GPR149: variants seen among roughly 807,000 people sequenced by gnomAD.
GPR149 encodes the protein probable G protein-coupled receptor 149.
GPR149 carries 50 observed loss-of-function variants against 50.2 expected under a neutral mutation model. That is an observed-to-expected ratio of 1.00 (90% CI 0.79 to 1.26). The LOEUF (loss-of-function observed/expected upper bound fraction) is 1.26, where lower values mean the gene tolerates loss of function less well. Ranked by LOEUF, GPR149 falls within the 50% of genes most tolerant of loss-of-function variation. The pLI, the probability that GPR149 is intolerant of heterozygous loss-of-function variation, is 0.00. For synonymous variants in GPR149, 405 were observed against 358.2 expected (o/e 1.13, Z -1.48); for missense variants, 983 against 895.4 (o/e 1.10, Z -1.25).
At position 154,335,334 on chromosome 3, in the gene GPR149, GA is replaced by G. The variant is rs1329175799; in HGVS notation, c.*2364del. ...AATCAATCACTCTAAAGAGTAAGCAGACTTAAGTAAACTTATGTAGTTTAAC... is the reference window on the plus strand; with the variant it reads ...AATCAATCACTCTAAAGAGTAAGCAGCTTAAGTAAACTTATGTAGTTTAAC... On this transcript the variant is annotated 3_prime_UTR_variant, in exon 4 of 4. Transcript: ENST00000389740. 1.3e-5 allele frequency: 2 copies of G among 152,132 alleles called. No homozygotes were observed. The highest frequency in any genetic ancestry group is 1.3e-4 in the Admixed American group (2 of 15,268). The allele number at this position is 152,132 out of a possible 1,614,324, so 9.4% of individuals were successfully genotyped here.
intron 3 of GPR149, among the ~76,000 whole-genome samples, chr3:154,403,653 C>T (rs184189956): frequency 1.7e-4 from 26 of 152,268 alleles, no homozygotes; most frequent in Admixed American, 5.9e-4. Flanking sequence ...TCAGCACAAG[C>T]GAGTTGCCCA....
At chr3:154,399,023 T>A (rs1715359462) in intron 3 of GPR149, among the ~76,000 whole-genome samples, 1 of 152,182 alleles carries the variant, frequency 6.6e-6, no homozygotes, top group Non-Finnish European at 1.5e-5. Flanking sequence ...AAAGGCAAAC[T>A]AGTGTTATTC....
At chr3:154,387,386 T>C (rs1715068483) in intron 3 of GPR149, among the ~76,000 whole-genome samples, 2 of 152,182 alleles carry the variant, frequency 1.3e-5, no homozygotes. Flanking sequence ...TTGGTCTTAT[T>C]TGGCACTGAA....
In GPR149 at chr3:154,427,504, T is replaced by C. The variant is rs1200493447; in HGVS notation, c.1174+12A>G. 4 of 1,596,366 alleles carry C rather than the reference T, an allele frequency of 2.5e-6. No homozygotes were observed. Among genetic ancestry groups the C allele is most frequent in the African/African-American group, 1.3e-5 (1 of 74,738 alleles). ...CATATTGCTGCCAATCACTGCAGTG[T>C]TGAGGACTTACTTTTTTTCCCATCG... is the stretch of plus-strand genomic sequence containing the variant. On this transcript the variant is annotated intron_variant, in intron 2 of 3. Transcript: ENST00000389740.
chr3:154,339,392 T>C (rs1241153170), intron 3 of GPR149, among the ~76,000 whole-genome samples: 2 of 152,212 alleles, frequency 1.3e-5, no homozygotes, highest in Non-Finnish European at 2.9e-5. Flanking sequence ...CAGACACTTT[T>C]TATATAAGTG....
In GPR149 at chr3:154,429,535, ATT is replaced by A. The variant is rs1282114465; in HGVS notation, c.79_80del (p.Asn27SerfsTer51). ...KENHNSTDLL[N>X]PPGTLNIYLF... ...GATAGATATTCAGGGTTCCTGGCGGATTTAAAAGGTCCGTAGAATTATGATTC... is the reference window on the plus strand; with the variant it reads ...GATAGATATTCAGGGTTCCTGGCGGATAAAAGGTCCGTAGAATTATGATTC... On this transcript the variant is annotated frameshift_variant, in exon 1 of 4. Coordinates refer to ENST00000389740, the MANE Select transcript of GPR149 (RefSeq NM_001038705.3). LOFTEE classifies it high-confidence loss of function. 2 of 1,614,040 alleles carry A rather than the reference ATT, an allele frequency of 1.2e-6. No homozygotes were observed. Among genetic ancestry groups the A allele is most frequent in the African/African-American group, 2.7e-5 (2 of 74,932 alleles).
intron 2 of GPR149, among the ~76,000 whole-genome samples, chr3:154,426,987 A>T (rs1297142292): frequency 1.3e-5 from 2 of 151,876 alleles, no homozygotes; most frequent in Non-Finnish European, 2.9e-5. Context: ...TACTCTGAAA[A>T]CTTTCCAAAA....
chr3:154,408,048 A>C (rs1242617171), intron 3 of GPR149, among the ~76,000 whole-genome samples: 1 of 152,318 alleles, frequency 6.6e-6, no homozygotes, highest in African/African-American at 2.4e-5. Context: ...AGCATAGTTT[A>C]TGATCTATAA....
At chr3:154,408,612 C>T (rs1430662302) in intron 3 of GPR149, among the ~76,000 whole-genome samples, 1 of 152,184 alleles carries the variant, frequency 6.6e-6, no homozygotes, top group East Asian at 1.9e-4. Context: ...CCATAATCCT[C>T]TCCTTGGGAA....
At chr3:154,402,449 T>A (rs7623268) in intron 3 of GPR149, among the ~76,000 whole-genome samples, 1 of 56,266 alleles carries the variant, frequency 1.8e-5, no homozygotes, top group African/African-American at 5.6e-5. Context: ...TAAATAAATA[T>A]AGAATAGAAA....
intron 2 of GPR149, among the ~76,000 whole-genome samples, chr3:154,424,977 G>A (rs1712253756): frequency 6.6e-6 from 1 of 151,642 alleles, no homozygotes; most frequent in Non-Finnish European, 1.5e-5. Flanking sequence ...AACAAAATGA[G>A]TCTGAAAGCC....
intron 3 of GPR149, among the ~76,000 whole-genome samples, chr3:154,377,685 C>A (rs558615246): frequency 1.3e-5 from 2 of 152,208 alleles, no homozygotes; most frequent in Admixed American, 1.3e-4. Context: ...ATTATTTTTA[C>A]AAACAACTTC....
chr3:154,357,084 G>A (rs1271193880), intron 3 of GPR149, among the ~76,000 whole-genome samples: 4 of 152,124 alleles, frequency 2.6e-5, no homozygotes, highest in East Asian at 3.8e-4. Context: ...AATGGGGAAA[G>A]GATTCCCTAT....
At chr3:154,357,276 G>A (rs1312615325) in intron 3 of GPR149, among the ~76,000 whole-genome samples, 1 of 152,040 alleles carries the variant, frequency 6.6e-6, no homozygotes. Flanking sequence ...GCATGGGCAA[G>A]GACTTCATGT....
At chr3:154,342,161 T>C (rs1175966970) in intron 3 of GPR149, among the ~76,000 whole-genome samples, 1 of 152,132 alleles carries the variant, frequency 6.6e-6, no homozygotes, top group Non-Finnish European at 1.5e-5. Flanking sequence ...ACAGATTTGA[T>C]TGCAAAAAAC....
chr3:154,391,153 A>G (rs1372805863), intron 3 of GPR149, among the ~76,000 whole-genome samples: 5 of 152,042 alleles, frequency 3.3e-5, no homozygotes, highest in Non-Finnish European at 7.4e-5. Flanking sequence ...GGTAAATATA[A>G]AGACAAATAC....
intron 3 of GPR149, among the ~76,000 whole-genome samples, chr3:154,376,728 A>G (rs943058512): frequency 2.6e-5 from 4 of 152,164 alleles, no homozygotes; most frequent in Non-Finnish European, 5.9e-5. Context: ...CTATTATAAC[A>G]TGGAAGATAA....
chr3:154,390,271 T>A (rs1221073924), intron 3 of GPR149, among the ~76,000 whole-genome samples: 2 of 152,098 alleles, frequency 1.3e-5, no homozygotes, highest in Non-Finnish European at 2.9e-5. Flanking sequence ...AACAGAGATA[T>A]GATTTACCTG....
At chr3:154,354,024 A>G (rs1465695587) in intron 3 of GPR149, 3 of 447,610 alleles carry the variant, frequency 6.7e-6, no homozygotes, top group Non-Finnish European at 1.3e-5. Flanking sequence ...TTTTTTTTTC[A>G]TATTCATCAA....
Sources: allele counts gnomAD v4.1 joint callset (sites outside exome capture counted in the v4.1 genomes callset), GRCh38; gene constraint gnomAD v4.1.1; transcripts MANE v1.5; gene names NCBI Gene and HGNC (gene_info 2026-07-23, HGNC 2026-07-21).